Variants in WDPCP observed in about 807,000 individuals in gnomAD.
WDPCP encodes WD repeat containing planar cell polarity effector.
WDPCP carries 71 observed loss-of-function variants against 93.1 expected under a neutral mutation model. The ratio of observed to expected loss-of-function variants is 0.76; its 90% CI spans 0.63 to 0.93. The LOEUF (loss-of-function observed/expected upper bound fraction) is 0.93. Among genes scored for constraint, WDPCP ranks in the 40% least tolerant of loss-of-function variants. The pLI is 0.00. For synonymous variants in WDPCP, 315 were observed against 315.0 expected (o/e 1.00, Z 0.00); for missense variants, 844 against 887.4 (o/e 0.95, Z 0.62).
At chr2:63,504,963 G>A (rs949075449) in intron 1 of WDPCP, among the ~76,000 whole-genome samples, 2 of 151,998 alleles carry the variant, frequency 1.3e-5, no homozygotes, top group East Asian at 1.9e-4. Flanking sequence ...ATTTATGGCC[G>A]ATTGGTCAAT....
At position 63,472,647 on chromosome 2, in the gene WDPCP, A is replaced by C. The variant is rs142025807; in HGVS notation, c.384+11957T>G. Among the ~76,000 whole-genome samples the C allele has an allele frequency of 4.1e-3, 626 of 151,970 alleles. 1 individual carries two copies. The highest frequency in any genetic ancestry group is 7.5e-3 in the Non-Finnish European group (509 of 67,950). On this transcript the variant is annotated intron_variant, in intron 6 of 17. Coordinates refer to ENST00000272321, the MANE Select transcript of WDPCP (RefSeq NM_015910.7). ...TCTGTCTCCCAGGCTGGAGTACAGT[A>C]GTGCGATCTTGGCTCACTGCAACCT... is the stretch of plus-strand genomic sequence containing the variant.
intron 17 of WDPCP, among the ~76,000 whole-genome samples, chr2:63,130,133 T>C (rs1050050648): frequency 5.3e-5 from 8 of 152,160 alleles, no homozygotes; most frequent in Non-Finnish European, 8.8e-5. Flanking sequence ...TTTATCTGTT[T>C]TTTTGTTGTT....
chr2:63,469,814 T>C (rs541246846), intron 6 of WDPCP, among the ~76,000 whole-genome samples: 2 of 152,154 alleles, frequency 1.3e-5, no homozygotes, highest in Non-Finnish European at 2.9e-5. Context: ...TATTTACCTA[T>C]ATAACAAACC....
At chr2:63,298,414 C>T (rs1685041553) in intron 13 of WDPCP, among the ~76,000 whole-genome samples, 1 of 151,742 alleles carries the variant, frequency 6.6e-6, no homozygotes, top group Admixed American at 6.6e-5. Flanking sequence ...AGAGGAAGAA[C>T]CACCTTCAGG....
intron 14 of WDPCP, among the ~76,000 whole-genome samples, chr2:63,237,463 G>A (rs1679497829): frequency 6.6e-6 from 1 of 152,132 alleles, no homozygotes; most frequent in East Asian, 1.9e-4. Context: ...ATTACATCCA[G>A]TAATCCCACT....
chr2:63,508,897 T>C (rs1476203978), intron 1 of WDPCP, among the ~76,000 whole-genome samples: 1 of 152,192 alleles, frequency 6.6e-6, no homozygotes, highest in Non-Finnish European at 1.5e-5. Flanking sequence ...CCTAAATATA[T>C]ATGCACCCAG....
intron 2 of WDPCP, among the ~76,000 whole-genome samples, chr2:63,687,618 T>C (rs1018026172): frequency 1.3e-5 from 2 of 152,064 alleles, no homozygotes; most frequent in Non-Finnish European, 2.9e-5. Context: ...AAAATGCAAA[T>C]CAAAACTATA....
In WDPCP at chr2:63,588,366, G is replaced by T; in HGVS notation, c.-95C>A. 1 of 1,337,488 alleles carries T rather than the reference G, an allele frequency of 7.5e-7. No individual in the cohort carries two copies. The highest frequency in any genetic ancestry group is 1.0e-6 in the Non-Finnish European group (1 of 952,924). 82.9% of individuals were successfully genotyped at this position (1,337,488 alleles called of 1,614,324 possible). ...GCTTGGTCTCTTGGGTCTCCAGGAC[G>T]CCGCCGCCGCCGCCACAGTTTCCTC... On this transcript the variant is annotated 5_prime_UTR_variant, in exon 1 of 18. Coordinates refer to ENST00000272321, the MANE Select transcript of WDPCP (RefSeq NM_015910.7).
At chr2:63,587,905 T>C (rs939956711) in intron 1 of WDPCP, among the ~76,000 whole-genome samples, 1 of 152,242 alleles carries the variant, frequency 6.6e-6, no homozygotes, top group Non-Finnish European at 1.5e-5. Flanking sequence ...TAGAACCGTA[T>C]ACTGTGACCT....
intron 12 of WDPCP, among the ~76,000 whole-genome samples, chr2:63,327,360 C>T (rs1389756015): frequency 6.6e-6 from 1 of 152,084 alleles, no homozygotes; most frequent in Non-Finnish European, 1.5e-5. Flanking sequence ...AATTAAAATC[C>T]CAAACTTAAA....
chr2:63,202,700 G>T (rs936997289), intron 14 of WDPCP, among the ~76,000 whole-genome samples: 2 of 152,104 alleles, frequency 1.3e-5, no homozygotes, highest in Non-Finnish European at 2.9e-5. Flanking sequence ...TTAGCATTAT[G>T]AAAGCCCTCC....
At chr2:63,257,857 T>C (rs568465383) in intron 14 of WDPCP, among the ~76,000 whole-genome samples, 18 of 152,266 alleles carry the variant, frequency 1.2e-4, no homozygotes, top group Middle Eastern at 3.4e-3. Flanking sequence ...CCTCATTATA[T>C]CTGATACCCT....
chr2:63,425,498 G>T (rs1185841026), intron 9 of WDPCP, among the ~76,000 whole-genome samples: 2 of 152,162 alleles, frequency 1.3e-5, no homozygotes, highest in Non-Finnish European at 2.9e-5. Context: ...TGATTCAAGA[G>T]TAGAAAGATA....
At chr2:63,516,280 A>G (rs1702546032) in intron 1 of WDPCP, among the ~76,000 whole-genome samples, 1 of 152,100 alleles carries the variant, frequency 6.6e-6, no homozygotes, top group Non-Finnish European at 1.5e-5. Context: ...GATACCCATC[A>G]CCCTCAAAAT....
At chr2:63,826,148 C>T (rs1325080965) in intron 1 of WDPCP, among the ~76,000 whole-genome samples, 2 of 152,020 alleles carry the variant, frequency 1.3e-5, no homozygotes, top group Admixed American at 1.3e-4. Context: ...GAAAAATAGT[C>T]ACTTACGTAC....
chr2:63,762,924 T>C (rs896636134), intron 2 of WDPCP, among the ~76,000 whole-genome samples: 10 of 152,156 alleles, frequency 6.6e-5, no homozygotes, highest in Admixed American at 6.5e-4. Context: ...GGTATATAAT[T>C]GTGGAAAGCT....
At chr2:63,762,100 G>A (rs868703116) in intron 2 of WDPCP, among the ~76,000 whole-genome samples, 4 of 152,298 alleles carry the variant, frequency 2.6e-5, no homozygotes, top group South Asian at 2.1e-4. Flanking sequence ...GATACTAAAA[G>A]TTGCCTTGAG....
At chr2:63,816,748 T>C (rs549977012) in intron 1 of WDPCP, among the ~76,000 whole-genome samples, 120 of 152,308 alleles carry the variant, frequency 7.9e-4, no homozygotes, top group African/African-American at 2.7e-3. Context: ...TACAGGGATA[T>C]TCCTAAAAAT....
intron 14 of WDPCP, among the ~76,000 whole-genome samples, chr2:63,192,892 T>G (rs1327453083): frequency 6.6e-6 from 1 of 152,222 alleles, no homozygotes; most frequent in Non-Finnish European, 1.5e-5. Flanking sequence ...AGATGTTCAA[T>G]CACATGGAAG....
Sources: gnomAD v4.1 joint callset for allele counts (sites outside exome capture counted in the v4.1 genomes callset) on GRCh38, gnomAD v4.1.1 for gene constraint, MANE v1.5 for transcripts, NCBI Gene and HGNC (gene_info 2026-07-23, HGNC 2026-07-21) for gene names.